Variants in RSPH14 observed in about 807,000 individuals in gnomAD.
RSPH14 encodes the protein radial spoke head 14 homolog, also known as rhabdoid tumor deletion region gene 1.
RSPH14 carries 20 observed loss-of-function variants against 26.7 expected under a neutral mutation model. That is an observed-to-expected ratio of 0.75 (90% CI 0.53 to 1.09). The LOEUF (loss-of-function observed/expected upper bound fraction) is 1.09, where lower values mean the gene tolerates loss of function less well. Ranked by LOEUF, RSPH14 falls within the 50% of genes least tolerant of loss-of-function variation. The pLI, the probability that RSPH14 is intolerant of heterozygous loss-of-function variation, is 0.00. For missense variants in RSPH14, 449 were observed against 457.2 expected (o/e 0.98, Z 0.16); for synonymous variants, 177 against 189.3 (o/e 0.93, Z 0.53).
At chr22:23,099,596 G>T (rs536712697) in intron 4 of RSPH14, among the ~76,000 whole-genome samples, 1 of 152,356 alleles carries the variant, frequency 6.6e-6, no homozygotes, top group African/African-American at 2.4e-5. Flanking sequence ...GCTGGCGCTG[G>T]CGGGCCCCCA....
intron 4 of RSPH14, among the ~76,000 whole-genome samples, chr22:23,119,164 C>T (rs369167021): frequency 2.0e-5 from 3 of 152,216 alleles, no homozygotes; most frequent in Non-Finnish European, 4.4e-5. Flanking sequence ...GCTTTGCCCA[C>T]CTGTCTGCAC....
At chr22:23,120,695 C>A (rs1190178017) in intron 4 of RSPH14, among the ~76,000 whole-genome samples, 1 of 152,058 alleles carries the variant, frequency 6.6e-6, no homozygotes, top group Non-Finnish European at 1.5e-5. Flanking sequence ...CCATACCCTG[C>A]TGGTGGCCAG....
the RSPH14 span, among the ~76,000 whole-genome samples, chr22:23,169,691 C>G: frequency 1.3e-5 from 2 of 152,100 alleles, no homozygotes; most frequent in South Asian, 2.1e-4. Context: ...CGCTGAAGGA[C>G]CTCAGTTCCA....
intron 4 of RSPH14, among the ~76,000 whole-genome samples, chr22:23,107,582 T>G (rs2069518543): frequency 6.6e-6 from 1 of 152,004 alleles, no homozygotes; most frequent in South Asian, 2.1e-4. Flanking sequence ...TGTCTGCAGG[T>G]GGCAGCAGCT....
chr22:23,169,250 G>A, the RSPH14 span, among the ~76,000 whole-genome samples: 1 of 152,206 alleles, frequency 6.6e-6, no homozygotes, highest in Non-Finnish European at 1.5e-5. Context: ...ACTCTGGCTG[G>A]GGGCAGGAAT....
the RSPH14 span, chr22:23,159,190 G>A: frequency 6.2e-7 from 1 of 1,611,142 alleles, no homozygotes; most frequent in Non-Finnish European, 8.5e-7. Flanking sequence ...GCAGGCCGAA[G>A]CAGACGCTGT....
the RSPH14 span, among the ~76,000 whole-genome samples, chr22:23,160,242 G>A: frequency 6.6e-6 from 1 of 152,198 alleles, no homozygotes; most frequent in African/African-American, 2.4e-5. Context: ...TTCCAACAGT[G>A]AGAACTGCTC....
At chr22:23,104,404 G>A (rs1187731520) in intron 4 of RSPH14, among the ~76,000 whole-genome samples, 1 of 152,144 alleles carries the variant, frequency 6.6e-6, no homozygotes, top group Admixed American at 6.5e-5. Context: ...TGCTCACAAT[G>A]ATACCCTGTC....
At chr22:23,168,509 CAG>C in the RSPH14 span, among the ~76,000 whole-genome samples, 1 of 150,884 alleles carries the variant, frequency 6.6e-6, no homozygotes, top group African/African-American at 2.4e-5. Context: ...CACACACACA[CAG>C]ACACCTGCCG....
At chr22:23,170,718 C>T in the RSPH14 span, among the ~76,000 whole-genome samples, 1 of 151,626 alleles carries the variant, frequency 6.6e-6, no homozygotes, top group Admixed American at 6.6e-5. Context: ...GGTGACAGAG[C>T]GAGACTCCAC....
the RSPH14 span, chr22:23,161,384 A>T: frequency 1.0e-6 from 1 of 979,168 alleles, no homozygotes; most frequent in East Asian, 2.6e-5. Context: ...TCAGGCCTTG[A>T]ACAGCAGGCC....
At chr22:23,109,588 G>C (rs2266999) in intron 4 of RSPH14, among the ~76,000 whole-genome samples, 37,439 of 152,078 alleles carry the variant, frequency 0.25, 4,945 homozygotes, top group East Asian at 0.42. Context: ...GTGTGGAGTT[G>C]AGAGCCATGG....
intron 4 of RSPH14, among the ~76,000 whole-genome samples, chr22:23,096,841 A>G (rs73878642): frequency 0.012 from 1,784 of 152,346 alleles, 41 homozygotes; most frequent in African/African-American, 0.04. Context: ...AGAAGGGATA[A>G]TCCCAGGTCC....
At chr22:23,083,521 C>T (rs1320853191) in intron 4 of RSPH14, among the ~76,000 whole-genome samples, 2 of 152,116 alleles carry the variant, frequency 1.3e-5, no homozygotes, top group East Asian at 1.9e-4. Flanking sequence ...ATCTGTTCTG[C>T]GAATCTTTCA....
chr22:23,126,451 C>A (rs954452041), intron 4 of RSPH14, among the ~76,000 whole-genome samples: 1 of 152,242 alleles, frequency 6.6e-6, no homozygotes, highest in Non-Finnish European at 1.5e-5. Context: ...CCCATCCTCA[C>A]AGCTCAAAGT....
chr22:23,093,982 G>A (rs1402215679), intron 4 of RSPH14, among the ~76,000 whole-genome samples: 1 of 152,212 alleles, frequency 6.6e-6, no homozygotes, highest in African/African-American at 2.4e-5. Context: ...GAGGGGCACG[G>A]ATGGCTGCTG....
At chr22:23,152,987 C>T in the RSPH14 span, 1 of 1,379,270 alleles carries the variant, frequency 7.3e-7, no homozygotes, top group Non-Finnish European at 1.0e-6. Flanking sequence ...CTTCCGGGCA[C>T]ATTTCTGTGA....
At chr22:23,153,899 T>C in the RSPH14 span, among the ~76,000 whole-genome samples, 3 of 152,090 alleles carry the variant, frequency 2.0e-5, no homozygotes, top group South Asian at 2.1e-4. Context: ...ATGTTGGCCA[T>C]GCTGATCTCG....
intron 4 of RSPH14, among the ~76,000 whole-genome samples, chr22:23,097,359 T>C (rs978565861): frequency 1.3e-5 from 2 of 152,152 alleles, no homozygotes; most frequent in Admixed American, 6.5e-5. Flanking sequence ...GCAACAATGG[T>C]TCTAGCTTTG....
Sources: allele counts gnomAD v4.1 joint callset (sites outside exome capture counted in the v4.1 genomes callset), GRCh38; gene constraint gnomAD v4.1.1; transcripts MANE v1.5; gene names NCBI Gene and HGNC (gene_info 2026-07-23, HGNC 2026-07-21).